Variants in DDO observed in about 807,000 individuals in gnomAD.
The protein encoded by DDO is D-aspartate oxidase, also known as D-aspartate oxidase, DDO.
A neutral mutation model predicts 16.8 loss-of-function variants in DDO; 16 were observed. The observed-to-expected ratio is 0.95, with a 90% CI of 0.65 to 1.45. DDO has a LOEUF of 1.45. Among genes scored for constraint, DDO ranks in the 40% most tolerant of loss-of-function variants. The probability of loss-of-function intolerance (pLI) is 0.00; values close to 1 mark genes in which losing one functional copy is unlikely to be tolerated. For missense variants in DDO, 429 were observed against 420.3 expected (o/e 1.02, Z -0.18); for synonymous variants, 180 against 167.2 (o/e 1.08, Z -0.59).
chr6:110,396,109 A>G (rs1345866216), intron 4 of DDO, among the ~76,000 whole-genome samples: 2 of 152,224 alleles, frequency 1.3e-5, no homozygotes, highest in East Asian at 3.9e-4. Flanking sequence ...ACTCAATGGC[A>G]TCTTAGACCC....
At position 110,392,920 on chromosome 6, in the gene DDO, T is replaced by C; in HGVS notation, c.881A>G (p.Asp294Gly). 1 of 1,614,216 alleles carries C rather than the reference T, an allele frequency of 6.2e-7. No homozygotes were observed. Among genetic ancestry groups the C allele is most frequent in the East Asian group, 2.2e-5 (1 of 44,888 alleles). ...VRLQTELLAR[D>G]GQRLPVVHHY... ...GTGGACTACAGGCAGCCTCTGTCCA[T>C]CTCGCGCAAGGAGCTCTGTCTGCAG... Residue 294 changes from aspartate to glycine, a missense_variant, in exon 5 of 5, where the codon GAT becomes GGT. Coordinates refer to ENST00000368924, the MANE Select transcript of DDO (RefSeq NM_001372108.2).
At chr6:110,388,539 C>G (rs539770802), downstream of DDO, among the ~76,000 whole-genome samples, 30 of 151,212 alleles carry the variant, frequency 2.0e-4, no homozygotes, top group Admixed American at 3.3e-4. Context: ...TTAAAAATAG[C>G]CTTTCTTCTA....
chr6:110,388,432 C>T (rs1773050443), downstream of DDO, among the ~76,000 whole-genome samples: 1 of 152,154 alleles, frequency 6.6e-6, no homozygotes, highest in Non-Finnish European at 1.5e-5. Context: ...CCTTTTCTTC[C>T]TTTTTTCTAA....
In DDO at chr6:110,404,034, T is replaced by C. The variant is rs141908516; in HGVS notation, c.458+740A>G. 9.2e-3 allele frequency among the ~76,000 whole-genome samples: 1,400 copies of C among 152,330 alleles called. 18 individuals carry two copies. Among genetic ancestry groups the C allele is most frequent in the African/African-American group, 0.03 (1,236 of 41,554 alleles). On this transcript the variant is annotated intron_variant, in intron 4 of 4. Transcript: ENST00000368924. ...ACACAATAATTCACATCGTTCCTAT[T>C]TACCAAAATATACACATATGGGAAT...
chr6:110,390,008 CAGAT>C (rs1291679303), downstream of DDO, among the ~76,000 whole-genome samples: 1 of 152,188 alleles, frequency 6.6e-6, no homozygotes, highest in Non-Finnish European at 1.5e-5. Flanking sequence ...CAGATAAAGA[CAGAT>C]AGCTGTCTTG....
chr6:110,409,307 T>C (rs1426178546), intron 2 of DDO, among the ~76,000 whole-genome samples: 1 of 152,042 alleles, frequency 6.6e-6, no homozygotes, highest in African/African-American at 2.4e-5. Flanking sequence ...GTGGTTGAAG[T>C]ATGTGGCCGT....
At chr6:110,411,686 C>A (rs1231607632) in intron 2 of DDO, among the ~76,000 whole-genome samples, 1 of 152,002 alleles carries the variant, frequency 6.6e-6, no homozygotes, top group Non-Finnish European at 1.5e-5. Flanking sequence ...ATTGGAGGAC[C>A]AGTCTGGGAG....
chr6:110,413,162 A>G (rs1773916371), intron 2 of DDO, 129 bp downstream of exon 2: 1 of 1,076,034 alleles, frequency 9.3e-7, no homozygotes, highest in Admixed American at 2.8e-5. Context: ...GAAAAAGAGG[A>G]AAGGAAAAAG....
At chr6:110,407,565 G>A (rs1278790555) in intron 3 of DDO, among the ~76,000 whole-genome samples, 1 of 152,140 alleles carries the variant, frequency 6.6e-6, no homozygotes, top group African/African-American at 2.4e-5. Context: ...GAAAGACTGT[G>A]TTATCACACA....
intron 3 of DDO, among the ~76,000 whole-genome samples, chr6:110,407,937 G>T (rs533230595): frequency 6.6e-6 from 1 of 152,248 alleles, no homozygotes; most frequent in African/African-American, 2.4e-5. Flanking sequence ...GAATAAATAA[G>T]AAGTCCCTCT....
intron 3 of DDO, 80 bp downstream of exon 3, chr6:110,408,254 C>G (rs1773723818): frequency 7.5e-7 from 1 of 1,329,302 alleles, no homozygotes. Context: ...AACAGCTACT[C>G]AGTAAATATT....
At chr6:110,393,670 T>C (rs1039475472) in intron 4 of DDO, among the ~76,000 whole-genome samples, 2 of 152,258 alleles carry the variant, frequency 1.3e-5, no homozygotes, top group African/African-American at 2.4e-5. Flanking sequence ...GTATTTTAAA[T>C]GTCCAAGCAT....
At position 110,410,029 on chromosome 6, in the gene DDO, G is replaced by A. The variant is rs140447321; in HGVS notation, c.173-1587C>T. 3.0e-3 allele frequency among the ~76,000 whole-genome samples: 454 copies of A among 152,120 alleles called. 1 individual carries two copies. The highest frequency in any genetic ancestry group is 0.01 in the African/African-American group (433 of 41,436). On this transcript the variant is annotated intron_variant, in intron 2 of 4. Coordinates refer to ENST00000368924, the MANE Select transcript of DDO (RefSeq NM_001372108.2). ...CTATGTGCCAGGTACTGTTCTAAAT[G>A]CTTTACATGTATCAACTCATTTAAT... is the stretch of plus-strand genomic sequence containing the variant.
chr6:110,405,893 T>C (rs1773637099), intron 3 of DDO, among the ~76,000 whole-genome samples: 1 of 151,286 alleles, frequency 6.6e-6, no homozygotes, highest in Non-Finnish European at 1.5e-5. Context: ...AGTAAGACCC[T>C]GCCTCAAAAA....
At chr6:110,400,968 C>A (rs1773468464) in intron 4 of DDO, among the ~76,000 whole-genome samples, 1 of 152,236 alleles carries the variant, frequency 6.6e-6, no homozygotes, top group Non-Finnish European at 1.5e-5. Flanking sequence ...TTCTGGGGAC[C>A]CAGGATCCCC....
chr6:110,406,281 A>G (rs1773652379), intron 3 of DDO, among the ~76,000 whole-genome samples: 1 of 152,104 alleles, frequency 6.6e-6, no homozygotes, highest in African/African-American at 2.4e-5. Flanking sequence ...ATTTACACAC[A>G]CATGCACGCA....
intron 1 of DDO, among the ~76,000 whole-genome samples, chr6:110,414,024 A>T (rs77381862): frequency 0.062 from 9,374 of 152,142 alleles, 639 homozygotes; most frequent in African/African-American, 0.17. Flanking sequence ...CGCCGGCCCC[A>T]GCCTCCCAAA....
In DDO at chr6:110,415,540, G is replaced by T. The variant is rs1562268960; in HGVS notation, c.-78C>A. 6.2e-7 allele frequency: 1 copy of T among 1,614,140 alleles called. No homozygotes were observed. Among genetic ancestry groups the T allele is most frequent in the Non-Finnish European group, 8.5e-7 (1 of 1,180,018 alleles). On this transcript the variant is annotated 5_prime_UTR_variant, in exon 1 of 5. Transcript: ENST00000368924. ...AACCTTGTTTCCCAGTGCCTGGCTG[G>T]TCTCATGCCCTGAGAGACAGAGAGA...
chr6:110,414,560 G>A (rs1006774789), intron 1 of DDO, among the ~76,000 whole-genome samples: 22 of 152,298 alleles, frequency 1.4e-4, no homozygotes, highest in East Asian at 1.9e-4. Flanking sequence ...CCTCACCCAC[G>A]GAGCCTTGCT....
Sources: allele counts gnomAD v4.1 joint callset (sites outside exome capture counted in the v4.1 genomes callset), GRCh38; gene constraint gnomAD v4.1.1; transcripts MANE v1.5; gene names NCBI Gene and HGNC (gene_info 2026-07-23, HGNC 2026-07-21).